The following GRIA2 variants were observed in gnomAD, a reference collection of about 807,000 sequenced individuals.
GRIA2 encodes glutamate ionotropic receptor AMPA type subunit 2.
In GRIA2, 14 loss-of-function variants were observed where a neutral mutation model predicts 97.3. The observed-to-expected ratio is 0.14, with a 90% CI of 0.10 to 0.23. The LOEUF (loss-of-function observed/expected upper bound fraction) is 0.23, where lower values mean the gene tolerates loss of function less well. GRIA2 is among the 10% of genes least tolerant of loss of function. GRIA2 has a pLI of 1.00. For synonymous variants in GRIA2, 412 were observed against 387.8 expected (o/e 1.06, Z -0.73); for missense variants, 558 against 1,069.8 (o/e 0.52, Z 6.67).
intron 12 of GRIA2, among the ~76,000 whole-genome samples, chr4:157,350,981 C>A (rs1262727325): frequency 7.2e-6 from 1 of 139,064 alleles, no homozygotes; most frequent in Non-Finnish European, 1.5e-5. Flanking sequence ...CATTGAAATA[C>A]TGGTTCTATC....
intron 2 of GRIA2, among the ~76,000 whole-genome samples, chr4:157,248,904 C>G (rs1351220552): frequency 6.6e-6 from 1 of 151,004 alleles, no homozygotes; most frequent in Non-Finnish European, 1.5e-5. Flanking sequence ...GTGGGATGAT[C>G]TTGGCTCACT....
At chr4:157,329,238 A>T (rs2126924034) in intron 6 of GRIA2, among the ~76,000 whole-genome samples, 1 of 152,108 alleles carries the variant, frequency 6.6e-6, no homozygotes, top group South Asian at 2.1e-4. Context: ...CTTTCCTAGA[A>T]ATCATAATTT....
chr4:157,288,096 C>A (rs1022286883), intron 2 of GRIA2, among the ~76,000 whole-genome samples: 8 of 151,532 alleles, frequency 5.3e-5, no homozygotes, highest in Non-Finnish European at 1.2e-4. Context: ...TACTAAAAAA[C>A]AAATATTTTC....
Position 157,353,396 on chromosome 4 carries a change from C to T in GRIA2, c.2044-6500C>T, listed in dbSNP as rs543853981. Among the ~76,000 whole-genome samples the T allele has an allele frequency of 4.5e-4, 68 of 151,292 alleles. 1 individual carries two copies. The highest frequency in any genetic ancestry group is 3.5e-3 in the Middle Eastern group (1 of 288). ...AACAAAACCTTATAGTTGGCCAGGG[C>T]GTGGTGGCTCACGCCTGTAATCCCA... On this transcript the variant is annotated intron_variant, in intron 12 of 15. Transcript: ENST00000264426.
At chr4:157,319,293 T>C (rs79694805) in intron 5 of GRIA2, among the ~76,000 whole-genome samples, 1,689 of 152,252 alleles carry the variant, frequency 0.011, 32 homozygotes, top group African/African-American at 0.038. Flanking sequence ...TTTAAAAATG[T>C]ACAGATGGAG....
chr4:157,224,951 A>G (rs1729676238), intron 2 of GRIA2, among the ~76,000 whole-genome samples: 1 of 152,154 alleles, frequency 6.6e-6, no homozygotes, highest in Non-Finnish European at 1.5e-5. Context: ...TCTTCCAATC[A>G]TAAAAATCCC....
At position 157,220,874 on chromosome 4, in the gene GRIA2, C is replaced by T; in HGVS notation, c.-169C>T. Reference sequence around the variant, plus strand: ...GGGCATCAGCAGCCACCAGCAGGACCTGGGAAATAGGGATTCTTCTGCCTC... The same window carrying T: ...GGGCATCAGCAGCCACCAGCAGGACTTGGGAAATAGGGATTCTTCTGCCTC... On this transcript the variant is annotated 5_prime_UTR_variant, in exon 1 of 16. Transcript: ENST00000264426. 1.6e-6 allele frequency: 1 copy of T among 608,022 alleles called. No homozygotes were observed. The highest frequency in any genetic ancestry group is 1.9e-5 in the South Asian group (1 of 51,368). 37.7% of individuals were successfully genotyped at this position (608,022 alleles called of 1,614,324 possible). A position where few individuals can be genotyped will look rare whatever the true frequency, so the allele number is the denominator to read the frequency against.
At chr4:157,348,072 C>CGCCACT (rs1195163944) in intron 12 of GRIA2, among the ~76,000 whole-genome samples, 2 of 151,616 alleles carry the variant, frequency 1.3e-5, no homozygotes, top group African/African-American at 2.4e-5. Flanking sequence ...GCCGGGATCA[C>CGCCACT]GCCACTGCAC....
chr4:157,363,596 G>T lies in GRIA2; in HGVS notation c.*165G>T. 7.3e-6 allele frequency: 9 copies of T among 1,232,368 alleles called. No homozygotes were observed. The highest frequency in any genetic ancestry group is 9.1e-6 in the Non-Finnish European group (9 of 986,542). The allele number at this position is 1,232,368 out of a possible 1,614,324, so 76.3% of individuals were successfully genotyped here. A position where few individuals can be genotyped will look rare whatever the true frequency, so the allele number is the denominator to read the frequency against. On this transcript the variant is annotated 3_prime_UTR_variant, in exon 16 of 16. Transcript: ENST00000264426. ...TGAATGTCAGTGTGACTGATCTCTCGTGATTGATAAGAACCTTTTGAGTGC... is the reference window on the plus strand; with the variant it reads ...TGAATGTCAGTGTGACTGATCTCTCTTGATTGATAAGAACCTTTTGAGTGC...
At chr4:157,308,746 T>G (rs28701071) in intron 3 of GRIA2, among the ~76,000 whole-genome samples, 27,031 of 151,976 alleles carry the variant, frequency 0.18, 2,550 homozygotes, top group African/African-American at 0.25. Context: ...GATACTTCTG[T>G]GCTAGTTTGT....
intron 4 of GRIA2, among the ~76,000 whole-genome samples, chr4:157,316,929 A>C (rs1458053263): frequency 2.0e-5 from 3 of 152,224 alleles, no homozygotes; most frequent in Non-Finnish European, 2.9e-5. Flanking sequence ...TTCAAAAGTC[A>C]AATTGATCAA....
chr4:157,226,653 G>A (rs1381525726), intron 2 of GRIA2, among the ~76,000 whole-genome samples: 1 of 151,954 alleles, frequency 6.6e-6, no homozygotes, highest in African/African-American at 2.4e-5. Context: ...TGGATGAATG[G>A]ACTTCTGTGT....
At chr4:157,278,221 C>T (rs2126807663) in intron 2 of GRIA2, among the ~76,000 whole-genome samples, 1 of 151,808 alleles carries the variant, frequency 6.6e-6, no homozygotes, top group Middle Eastern at 3.4e-3. Flanking sequence ...TTTAAGACTA[C>T]CTTACTACAA....
At chr4:157,326,542 A>C (rs1734810250) in intron 6 of GRIA2, among the ~76,000 whole-genome samples, 1 of 152,212 alleles carries the variant, frequency 6.6e-6, no homozygotes, top group Non-Finnish European at 1.5e-5. Context: ...ACCTATGAGA[A>C]GCTCCTAATC....
chr4:157,325,684 A>G (rs1022456512), intron 6 of GRIA2, among the ~76,000 whole-genome samples: 1 of 152,166 alleles, frequency 6.6e-6, no homozygotes, highest in Non-Finnish European at 1.5e-5. Flanking sequence ...GATGGCAACT[A>G]CGTCTTTCAG....
intron 2 of GRIA2, among the ~76,000 whole-genome samples, chr4:157,241,249 G>A (rs1730496306): frequency 6.6e-6 from 1 of 152,134 alleles, no homozygotes; most frequent in South Asian, 2.1e-4. Context: ...TGGAAGGAAT[G>A]ACCGCCTTAT....
At chr4:157,356,025 A>G (rs1406513040) in intron 12 of GRIA2, among the ~76,000 whole-genome samples, 1 of 107,366 alleles carries the variant, frequency 9.3e-6, no homozygotes, top group Non-Finnish European at 1.7e-5. Context: ...ATATATTTAT[A>G]TATTTATATT....
At position 157,324,445 on chromosome 4, in the gene GRIA2, A is replaced by G. The variant is rs144987422; in HGVS notation, c.882+2846A>G. 4.2e-4 allele frequency among the ~76,000 whole-genome samples: 64 copies of G among 152,346 alleles called. No individual in the cohort carries two copies. In the Middle Eastern group the frequency reaches 0.01, roughly 24 times the overall value. The stretch of plus-strand genomic sequence containing the variant: ...CAATCAGCAAATATAATAGACTGAT[A>G]AAATATGCCAGTTTCTTGGCCATGA... On this transcript the variant is annotated intron_variant, in intron 6 of 15. Coordinates refer to ENST00000264426, the MANE Select transcript of GRIA2 (RefSeq NM_001083619.3).
At chr4:157,230,221 A>G (rs926456490) in intron 2 of GRIA2, among the ~76,000 whole-genome samples, 2 of 152,176 alleles carry the variant, frequency 1.3e-5, no homozygotes, top group Non-Finnish European at 2.9e-5. Context: ...CAATTTCTCT[A>G]GCATCAGTAT....
Sources: allele counts gnomAD v4.1 joint callset (sites outside exome capture counted in the v4.1 genomes callset), GRCh38; gene constraint gnomAD v4.1.1; transcripts MANE v1.5; gene names NCBI Gene and HGNC (gene_info 2026-07-23, HGNC 2026-07-21).